KNSTRN: variants seen among roughly 807,000 people sequenced by gnomAD.
The protein encoded by KNSTRN is small kinetochore-associated protein.
A neutral mutation model predicts 44.7 loss-of-function variants in KNSTRN; 38 were observed. The observed-to-expected ratio is 0.85, with a 90% CI of 0.66 to 1.11. KNSTRN has a LOEUF of 1.11. Ranked by LOEUF, KNSTRN falls within the 50% of genes most tolerant of loss-of-function variation. The pLI, the probability that KNSTRN is intolerant of heterozygous loss-of-function variation, is 0.00. For synonymous variants in KNSTRN, 158 were observed against 148.1 expected, an observed-to-expected ratio of 1.07 and a Z score of -0.48; for missense variants, 406 against 375.8, an observed-to-expected ratio of 1.08 and a Z score of -0.66.
At position 40,390,921 on chromosome 15, in the gene KNSTRN, A is replaced by G. The variant is rs182869022; in HGVS notation, c.686-572A>G. Among the ~76,000 whole-genome samples the G allele has an allele frequency of 8.3e-4, 127 of 152,150 alleles. 1 individual carries two copies. The highest frequency in any genetic ancestry group is 3.0e-3 in the African/African-American group (124 of 41,508). The stretch of plus-strand genomic sequence containing the variant: ...TGAGTTACCATGCCCAGCCTAGGAT[A>G]TTCTTTATAGTCACCATAAATATAT... On this transcript the variant is annotated intron_variant, in intron 6 of 8. Transcript: ENST00000249776.
chr15:40,393,435 G>A (rs1171489993), intron 8 of KNSTRN, 34 bp from the exon 9 acceptor site: 2 of 1,606,788 alleles, frequency 1.2e-6, no homozygotes, highest in African/African-American at 2.7e-5. Context: ...TTTTGTGTAT[G>A]TGTTGTTTTC....
chr15:40,389,370 T>C, intron 4 of KNSTRN, 136 bp from the exon 5 acceptor site: 1 of 640,024 alleles, frequency 1.6e-6, no homozygotes. Context: ...AGGCTGGTCT[T>C]GATTTCCCGA....
At chr15:40,386,611 A>G in intron 3 of KNSTRN, 117 bp downstream of exon 3, 1 of 1,048,944 alleles carries the variant, frequency 9.5e-7, no homozygotes, top group Non-Finnish European at 1.4e-6. Context: ...GCCTTCAATC[A>G]GTGGCCCAGA....
At chr15:40,390,091 G>A (rs1407917197) in intron 6 of KNSTRN, among the ~76,000 whole-genome samples, 162 bp downstream of exon 6, 1 of 152,200 alleles carries the variant, frequency 6.6e-6, no homozygotes, top group Non-Finnish European at 1.5e-5. Context: ...TTCATGTGAT[G>A]TTGATTTTTG....
intron 4 of KNSTRN, 84 bp downstream of exon 4, chr15:40,387,290 G>T (rs1195170706): frequency 3.4e-6 from 4 of 1,163,094 alleles, no homozygotes; most frequent in Non-Finnish European, 5.2e-6. Flanking sequence ...TCATTTGTGG[G>T]ACTTGTTTAC....
chr15:40,389,193 G>A (rs1309397447), intron 4 of KNSTRN: 2 of 469,576 alleles, frequency 4.3e-6, no homozygotes, highest in South Asian at 1.6e-5. Context: ...TTGCCACCCA[G>A]GCTGGAGTGC....
intron 8 of KNSTRN, 172 bp from the exon 9 acceptor site, chr15:40,393,297 C>T (rs1816403985): frequency 6.2e-7 from 1 of 1,610,960 alleles, no homozygotes; most frequent in Non-Finnish European, 8.5e-7. Flanking sequence ...GGGACAATTC[C>T]TAAAACCAGT....
At chr15:40,389,740 G>A (rs1175143268) in intron 5 of KNSTRN, 96 bp from the exon 6 acceptor site, 2 of 1,392,088 alleles carry the variant, frequency 1.4e-6, no homozygotes, top group South Asian at 2.4e-5. Flanking sequence ...AAAAAGCCAG[G>A]CTTTTGCTAT....
At position 40,382,951 on chromosome 15, in the gene KNSTRN, A is replaced by G. The variant is rs773245510; in HGVS notation, c.116A>G (p.Gln39Arg). The change falls in exon 1 of 9, where the codon CAG becomes CGG. Residue 39 changes from glutamine (Q) to arginine (R), a missense_variant. Gln to Arg is a conservative substitution (Grantham distance 43). Coordinates refer to ENST00000249776, the MANE Select transcript of KNSTRN (RefSeq NM_033286.4). ...PSYRKFLFET[Q>R]AADLAGGTTV... is the part of the protein sequence containing the mutation. ...TACCGGAAGTTTCTATTTGAAACCC[A>G]GGCGGCCGACTTAGCCGGTGGCACG... 5 of 1,612,284 alleles carry G rather than the reference A, an allele frequency of 3.1e-6. No individual in the cohort carries two copies. The South Asian group carries it at 5.5e-5, about 18-fold the overall frequency.
At chr15:40,393,035 G>T (rs1214538183) in intron 8 of KNSTRN, among the ~76,000 whole-genome samples, 1 of 151,480 alleles carries the variant, frequency 6.6e-6, no homozygotes, top group Admixed American at 6.6e-5. Flanking sequence ...GAGGCTTCTT[G>T]CAAATGTTCA....
intron 5 of KNSTRN, 96 bp from the exon 6 acceptor site, chr15:40,389,740 G>T: frequency 7.2e-7 from 1 of 1,392,088 alleles, no homozygotes; most frequent in East Asian, 2.3e-5. Context: ...AAAAAGCCAG[G>T]CTTTTGCTAT....
Position 40,393,719 on chromosome 15 carries a change from C to A in KNSTRN, c.*122C>A. The A allele has an allele frequency of 2.2e-6, 2 of 917,208 alleles. No homozygotes were observed. The highest frequency in any genetic ancestry group is 3.3e-6 in the Non-Finnish European group (2 of 613,098). The allele number at this position is 917,208 out of a possible 1,614,324, so 56.8% of individuals were successfully genotyped here. On this transcript the variant is annotated 3_prime_UTR_variant, in exon 9 of 9. Coordinates refer to ENST00000249776, the MANE Select transcript of KNSTRN (RefSeq NM_033286.4). Reference sequence around the variant, plus strand: ...ATCTCCAGAATGAAAACAATTTCTACAGTAGACTTAAGGACAGTTTATGCT... The same window carrying A: ...ATCTCCAGAATGAAAACAATTTCTAAAGTAGACTTAAGGACAGTTTATGCT...
Position 40,390,803 on chromosome 15 carries a change from T to C in KNSTRN, c.686-690T>C, listed in dbSNP as rs539428036. On this transcript the variant is annotated intron_variant, in intron 6 of 8. Coordinates refer to ENST00000249776, the MANE Select transcript of KNSTRN (RefSeq NM_033286.4). ...CTAATTTTTGTATTTTTAGTAGAGATGGGGTTTTGCCATGTTGGTCAGGCT... is the reference window on the plus strand; with the variant it reads ...CTAATTTTTGTATTTTTAGTAGAGACGGGGTTTTGCCATGTTGGTCAGGCT... Among the ~76,000 whole-genome samples the C allele has an allele frequency of 8.4e-4, 127 of 152,094 alleles. 1 individual carries two copies. The highest frequency in any genetic ancestry group is 3.0e-3 in the African/African-American group (124 of 41,494).
At chr15:40,387,964 C>T (rs972241850) in intron 4 of KNSTRN, among the ~76,000 whole-genome samples, 2 of 152,144 alleles carry the variant, frequency 1.3e-5, no homozygotes, top group African/African-American at 4.8e-5. Flanking sequence ...GCCAAGATCA[C>T]GTCATTGCAT....
intron 6 of KNSTRN, among the ~76,000 whole-genome samples, chr15:40,390,303 A>G (rs764260883): frequency 1.3e-5 from 2 of 152,256 alleles, no homozygotes; most frequent in East Asian, 1.9e-4. Context: ...TTTTGTTTGA[A>G]CATGCTCTTC....
At position 40,383,317 on chromosome 15, in the gene KNSTRN, C is replaced by G; in HGVS notation, c.299C>G (p.Pro100Arg). The change falls in exon 2 of 9, where the codon CCG (proline) becomes CGG (arginine). Residue 100 changes from proline to arginine, a missense_variant. Physicochemically the swap from Pro to Arg is moderately radical, Grantham distance 103. Transcript: ENST00000249776. ...CCCTCTGCGCTGAGCGGCGGCCAGC[C>G]GGCAGGTGAGGGTCCAAGCCACGCC... ...QPPSALSGGQ[P>R]ADTQTRATSK... 6.2e-7 allele frequency: 1 copy of G among 1,610,790 alleles called. No homozygotes were observed. Among genetic ancestry groups the G allele is most frequent in the Non-Finnish European group, 8.5e-7 (1 of 1,177,874 alleles).
rs558680125 is a variant in KNSTRN, at chr15:40,382,862, G to C, written c.27G>C (p.Leu9=). Reference sequence around the variant, plus strand: ...TGGCGGCTCCCGAAGCCCCGCCCCTGGACAGAGTTTTCCGTACAACATGGC... The same window carrying C: ...TGGCGGCTCCCGAAGCCCCGCCCCTCGACAGAGTTTTCCGTACAACATGGC... MAAPEAPP[L]DRVFRTTWLS... Residue 9 remains leucine (L), a synonymous_variant, in exon 1 of 9, where the codon CTG becomes CTC. Coordinates refer to ENST00000249776, the MANE Select transcript of KNSTRN (RefSeq NM_033286.4). The C allele has an allele frequency of 6.8e-6, 11 of 1,611,764 alleles. No homozygotes were observed. The highest frequency in any genetic ancestry group is 9.3e-6 in the Non-Finnish European group (11 of 1,179,868).
chr15:40,387,245 G>T, intron 4 of KNSTRN, 39 bp downstream of exon 4: 1 of 1,460,674 alleles, frequency 6.8e-7, no homozygotes, highest in Non-Finnish European at 9.6e-7. Flanking sequence ...ACTATTCTAG[G>T]GTAGTGGATC....
rs1344127059 is a variant in KNSTRN at position 40,389,858 on chromosome 15, A to G, written c.614A>G (p.Gln205Arg). 6.2e-7 allele frequency: 1 copy of G among 1,614,118 alleles called. No homozygotes were observed. The highest frequency in any genetic ancestry group is 1.3e-5 in the African/African-American group (1 of 74,944). ...TAGGGAGAGCTGAAGGACCTGACCCAGAAGGTAGAGCTGCTGGAGAAGTTT... is the reference window on the plus strand; with the variant it reads ...TAGGGAGAGCTGAAGGACCTGACCCGGAAGGTAGAGCTGCTGGAGAAGTTT... The part of the protein sequence containing the change: ...ETQGELKDLT[Q>R]KVELLEKFRD... The change falls in exon 6 of 9, where the codon CAG becomes CGG. Residue 205 changes from glutamine to arginine, a missense_variant. Coordinates refer to ENST00000249776, the MANE Select transcript of KNSTRN (RefSeq NM_033286.4).
Sources: gnomAD v4.1 joint callset for allele counts (sites outside exome capture counted in the v4.1 genomes callset) on GRCh38, gnomAD v4.1.1 for gene constraint, MANE v1.5 for transcripts, NCBI Gene and HGNC (gene_info 2026-07-23, HGNC 2026-07-21) for gene names.